FOCAD: variants seen among roughly 807,000 people sequenced by gnomAD.
FOCAD encodes focadhesin.
In FOCAD, 198 loss-of-function variants were observed where a neutral mutation model predicts 225.6. The observed-to-expected ratio is 0.88, with a 90% CI of 0.78 to 0.99. The LOEUF is 0.99. FOCAD is among the 50% of genes least tolerant of loss of function. The pLI is 0.00. For synonymous variants in FOCAD, 897 were observed against 755.0 expected (o/e 1.19, Z -3.08); for missense variants, 2,713 against 2,123.6 (o/e 1.28, Z -5.46).
At chr9:20,987,373 T>C (rs907944490) in intron 40 of FOCAD, among the ~76,000 whole-genome samples, 2 of 152,024 alleles carry the variant, frequency 1.3e-5, no homozygotes, top group African/African-American at 4.8e-5. Flanking sequence ...CTGGTTGTGG[T>C]GGCGTAAGCA....
intron 10 of FOCAD, among the ~76,000 whole-genome samples, chr9:20,788,837 C>A (rs1007014323): frequency 1.3e-5 from 2 of 152,120 alleles, no homozygotes; most frequent in Non-Finnish European, 2.9e-5. Context: ...GCAGAAGTTA[C>A]AATTATTAAT....
At chr9:20,786,904 TC>T (rs1260155030) in intron 10 of FOCAD, 1 of 337,016 alleles carries the variant, frequency 3.0e-6, no homozygotes, top group Non-Finnish European at 5.9e-6. Context: ...AACACCTACT[TC>T]CTCCTCTAAA....
intron 8 of FOCAD, among the ~76,000 whole-genome samples, chr9:20,774,221 G>C (rs184978481): frequency 1.1e-4 from 17 of 152,268 alleles, no homozygotes; most frequent in African/African-American, 4.1e-4. Context: ...ACTGCTTTAT[G>C]TGTTTCTCTG....
At chr9:20,807,908 A>G (rs1455518307) in intron 11 of FOCAD, among the ~76,000 whole-genome samples, 1 of 152,036 alleles carries the variant, frequency 6.6e-6, no homozygotes, top group Non-Finnish European at 1.5e-5. Flanking sequence ...AAAATTAGCT[A>G]GGCATGGTGG....
intron 21 of FOCAD, chr9:20,897,180 A>G (rs777717741): frequency 6.6e-6 from 1 of 151,770 alleles, no homozygotes; most frequent in Non-Finnish European, 1.5e-5. Flanking sequence ...CTTGTTGTCA[A>G]GTCTGCTCTG....
At chr9:20,813,130 G>A (rs1026827925) in intron 11 of FOCAD, among the ~76,000 whole-genome samples, 1 of 151,980 alleles carries the variant, frequency 6.6e-6, no homozygotes, top group Non-Finnish European at 1.5e-5. Flanking sequence ...TCGTCCTTCC[G>A]TGGCTTATTT....
chr9:20,885,277 C>A, intron 21 of FOCAD, 47 bp downstream of exon 21: 1 of 1,361,294 alleles, frequency 7.3e-7, no homozygotes, highest in South Asian at 2.2e-5. Context: ...TTTCTCCCTT[C>A]ATGATATGTT....
intron 21 of FOCAD, among the ~76,000 whole-genome samples, chr9:20,886,724 G>T (rs1564113385): frequency 6.6e-6 from 1 of 152,058 alleles, no homozygotes. Flanking sequence ...ATGTATAGTA[G>T]GATTTTAGAC....
chr9:20,779,878 A>T (rs916766474), intron 9 of FOCAD, among the ~76,000 whole-genome samples: 1 of 152,150 alleles, frequency 6.6e-6, no homozygotes, highest in Non-Finnish European at 1.5e-5. Context: ...GCTTTAGCAC[A>T]TGGAGGGGAT....
intron 11 of FOCAD, among the ~76,000 whole-genome samples, chr9:20,810,197 G>T (rs573214849): frequency 6.6e-6 from 1 of 152,156 alleles, no homozygotes; most frequent in African/African-American, 2.4e-5. Context: ...AATTCCTTCA[G>T]CATTGAATGA....
At chr9:20,960,330 C>T (rs892158229) in intron 35 of FOCAD, among the ~76,000 whole-genome samples, 5 of 152,098 alleles carry the variant, frequency 3.3e-5, no homozygotes, top group South Asian at 2.1e-4. Context: ...TGGCACATGA[C>T]GTCTCAGCTG....
At chr9:20,778,089 C>CAAAAAAAAAAAAA (rs1184354592) in intron 8 of FOCAD, among the ~76,000 whole-genome samples, 2 of 84,190 alleles carry the variant, frequency 2.4e-5, no homozygotes, top group Non-Finnish European at 4.7e-5. Flanking sequence ...GACTCCGTCT[C>CAAAAAAAAAAAAA]AAAAAAAAAA....
intron 19 of FOCAD, among the ~76,000 whole-genome samples, chr9:20,879,787 C>G (rs965420159): frequency 1.3e-5 from 2 of 152,136 alleles, no homozygotes; most frequent in African/African-American, 4.8e-5. Context: ...GGCATCTTAT[C>G]CTCATTTAAA....
intron 35 of FOCAD, among the ~76,000 whole-genome samples, chr9:20,963,803 A>G (rs1838995561): frequency 6.6e-6 from 1 of 152,230 alleles, no homozygotes; most frequent in Admixed American, 6.5e-5. Flanking sequence ...TGTAATCAGC[A>G]TGGAGTTATG....
chr9:20,948,804 C>A (rs2132355505), intron 31 of FOCAD, 47 bp from the exon 32 acceptor site: 1 of 1,594,374 alleles, frequency 6.3e-7, no homozygotes, highest in East Asian at 2.2e-5. Flanking sequence ...AGAATCTAAA[C>A]CCAAGGACTG....
intron 37 of FOCAD, among the ~76,000 whole-genome samples, chr9:20,978,680 G>A (rs1439780179): frequency 6.6e-6 from 1 of 152,080 alleles, no homozygotes; most frequent in Non-Finnish European, 1.5e-5. Context: ...TACCAAAAGT[G>A]GAAAATGATG....
intron 11 of FOCAD, among the ~76,000 whole-genome samples, chr9:20,812,335 C>G (rs964329773): frequency 1.3e-5 from 2 of 148,470 alleles, no homozygotes; most frequent in Non-Finnish European, 3.0e-5. Context: ...TAGTTATAAA[C>G]ATTATGTATT....
At chr9:20,838,880 T>G (rs1826241546) in intron 15 of FOCAD, among the ~76,000 whole-genome samples, 1 of 152,138 alleles carries the variant, frequency 6.6e-6, no homozygotes. Context: ...ATTAGAGTAT[T>G]TCTTATTTAT....
intron 18 of FOCAD, among the ~76,000 whole-genome samples, chr9:20,871,392 A>G (rs903932321): frequency 6.6e-6 from 1 of 151,698 alleles, no homozygotes; most frequent in Non-Finnish European, 1.5e-5. Flanking sequence ...TATTTTTCTG[A>G]GTGTTTTAGC....
Sources: allele counts gnomAD v4.1 joint callset (sites outside exome capture counted in the v4.1 genomes callset), GRCh38; gene constraint gnomAD v4.1.1; transcripts MANE v1.5; gene names NCBI Gene and HGNC (gene_info 2026-07-23, HGNC 2026-07-21).